DNAH7: variants seen among roughly 807,000 people sequenced by gnomAD.
The protein encoded by DNAH7 is axonemal beta dynein heavy chain 7.
DNAH7 carries 397 observed loss-of-function variants against 444.6 expected under a neutral mutation model. The observed-to-expected ratio is 0.89, with a 90% CI of 0.82 to 0.97. The LOEUF (loss-of-function observed/expected upper bound fraction) is 0.97. Ranked by LOEUF, DNAH7 falls within the 50% of genes least tolerant of loss-of-function variation. The probability of loss-of-function intolerance (pLI) is 0.00; values close to 1 mark genes in which losing one functional copy is unlikely to be tolerated. For synonymous variants in DNAH7, 1,636 were observed against 1,624.4 expected (o/e 1.01, Z -0.17); for missense variants, 4,902 against 4,800.8 (o/e 1.02, Z -0.62).
chr2:195,917,303 T>C (rs1687749597), intron 24 of DNAH7, among the ~76,000 whole-genome samples: 1 of 152,016 alleles, frequency 6.6e-6, no homozygotes, highest in Admixed American at 6.6e-5. Context: ...TATGATCTCC[T>C]AGGGACATTC....
chr2:196,017,149 G>A (rs944796111), intron 9 of DNAH7, among the ~76,000 whole-genome samples: 1 of 151,890 alleles, frequency 6.6e-6, no homozygotes, highest in Non-Finnish European at 1.5e-5. Flanking sequence ...CAAGTAGCTG[G>A]GATTACAGGC....
At chr2:195,849,219 T>C (rs1699200398) in intron 46 of DNAH7, among the ~76,000 whole-genome samples, 1 of 152,240 alleles carries the variant, frequency 6.6e-6, no homozygotes, top group Non-Finnish European at 1.5e-5. Context: ...TGTGTCCTTT[T>C]GACATGGCCC....
intron 46 of DNAH7, among the ~76,000 whole-genome samples, chr2:195,846,082 T>C (rs934113226): frequency 6.6e-6 from 1 of 152,104 alleles, no homozygotes; most frequent in Admixed American, 6.5e-5. Flanking sequence ...ACCTACACAA[T>C]GGGGAGAAAC....
intron 5 of DNAH7, among the ~76,000 whole-genome samples, chr2:196,046,927 A>C (rs907369385): frequency 6.6e-6 from 1 of 152,196 alleles, no homozygotes; most frequent in Non-Finnish European, 1.5e-5. Flanking sequence ...AACTGTCCTG[A>C]AACAGTGAGA....
intron 33 of DNAH7, 103 bp downstream of exon 33, chr2:195,888,150 GATTTA>G: frequency 2.2e-6 from 2 of 904,472 alleles, no homozygotes; most frequent in African/African-American, 1.8e-5. Flanking sequence ...AAAAGGTTTT[GATTTA>G]ATATCTCTTA....
intron 63 of DNAH7, among the ~76,000 whole-genome samples, chr2:195,752,863 T>C (rs1324356810): frequency 1.3e-5 from 2 of 152,096 alleles, no homozygotes; most frequent in African/African-American, 4.8e-5. Context: ...CATCAGTTGA[T>C]TAGAGGGGAT....
Position 195,764,351 on chromosome 2 carries a change from A to G in DNAH7, c.11433+7309T>C, listed in dbSNP as rs113518621. On this transcript the variant is annotated intron_variant, in intron 61 of 64. Transcript: ENST00000312428. Reference sequence around the variant, plus strand: ...GAAAATAACAAGGATGTCCACTTTCACAACTGTTATCAACAAAGTACTGGA... The same window carrying G: ...GAAAATAACAAGGATGTCCACTTTCGCAACTGTTATCAACAAAGTACTGGA... 2.4e-3 allele frequency among the ~76,000 whole-genome samples: 366 copies of G among 152,262 alleles called. 1 individual carries two copies. The highest frequency in any genetic ancestry group is 8.2e-3 in the African/African-American group (341 of 41,564).
chr2:195,879,918 T>C (rs1178323390), intron 36 of DNAH7, among the ~76,000 whole-genome samples: 1 of 152,178 alleles, frequency 6.6e-6, no homozygotes, highest in Non-Finnish European at 1.5e-5. Context: ...ATCAAGATAT[T>C]AAAACTCCCT....
At chr2:195,881,254 T>C (rs1271970760) in intron 36 of DNAH7, among the ~76,000 whole-genome samples, 1 of 152,326 alleles carries the variant, frequency 6.6e-6, no homozygotes, top group East Asian at 1.9e-4. Context: ...TGTGGGAGAA[T>C]GTGAATTAAC....
intron 31 of DNAH7, 40 bp downstream of exon 31, chr2:195,891,615 T>C: frequency 1.3e-6 from 2 of 1,485,194 alleles, no homozygotes; most frequent in South Asian, 3.1e-5. Flanking sequence ...ATAAATATCT[T>C]AACCTTTTAA....
At chr2:196,041,448 AC>A (rs770300177) in intron 5 of DNAH7, among the ~76,000 whole-genome samples, 4 of 152,106 alleles carry the variant, frequency 2.6e-5, no homozygotes, top group Non-Finnish European at 5.9e-5. Context: ...GGTGCCAAAA[AC>A]ATAAATTGGG....
intron 12 of DNAH7, among the ~76,000 whole-genome samples, chr2:195,997,941 A>G (rs868132584): frequency 5.9e-5 from 9 of 152,260 alleles, no homozygotes; most frequent in Middle Eastern, 3.4e-3. Flanking sequence ...TGATCCCTGG[A>G]ATTTGGATCG....
At chr2:195,947,120 AATTATAT>A (rs973390648) in intron 19 of DNAH7, among the ~76,000 whole-genome samples, 13 of 147,768 alleles carry the variant, frequency 8.8e-5, no homozygotes, top group African/African-American at 2.0e-4. Context: ...ATATAATTAT[AATTATAT>A]ATTATATATC....
intron 51 of DNAH7, among the ~76,000 whole-genome samples, chr2:195,812,426 T>C (rs1215422145): frequency 3.9e-5 from 6 of 152,198 alleles, no homozygotes; most frequent in Admixed American, 2.0e-4. Context: ...CAGCAACAGA[T>C]TGATTCCAGG....
At chr2:195,960,124 C>A in intron 18 of DNAH7, 136 bp downstream of exon 18, 1 of 738,690 alleles carries the variant, frequency 1.4e-6, no homozygotes. Flanking sequence ...GTATGAAATG[C>A]AAAATCAATT....
At chr2:196,046,478 T>C (rs1697134642) in intron 5 of DNAH7, among the ~76,000 whole-genome samples, 2 of 152,248 alleles carry the variant, frequency 1.3e-5, no homozygotes, top group East Asian at 1.9e-4. Context: ...CTACCCTCCA[T>C]TGATTTGGGT....
chr2:195,938,396 T>A lies in DNAH7; in HGVS notation c.3079-1604A>T, dbSNP rs182568547. Among the ~76,000 whole-genome samples, 4 of 137,664 alleles carry A rather than the reference T, an allele frequency of 2.9e-5. No homozygotes were observed. The East Asian group carries it at 1.1e-3, about 38-fold the overall frequency. The allele number at this position is 137,664 out of a possible 152,430, so 90.3% of individuals were successfully genotyped here. A position where few individuals can be genotyped will look rare whatever the true frequency, so the allele number is the denominator to read the frequency against. ...CACACACACACAAACACACACAGCATAACAGACTCAGGCCATCATGTTCGC... is the reference window on the plus strand; with the variant it reads ...CACACACACACAAACACACACAGCAAAACAGACTCAGGCCATCATGTTCGC... On this transcript the variant is annotated intron_variant, in intron 19 of 64. Coordinates refer to ENST00000312428, the MANE Select transcript of DNAH7 (RefSeq NM_018897.3).
chr2:195,932,978 A>C (rs938749500), intron 21 of DNAH7, among the ~76,000 whole-genome samples: 2 of 152,164 alleles, frequency 1.3e-5, no homozygotes, highest in African/African-American at 2.4e-5. Flanking sequence ...TGATTGGAAT[A>C]GTTTCAGAAG....
chr2:195,797,831 T>C (rs1433176889), intron 55 of DNAH7, among the ~76,000 whole-genome samples: 1 of 152,226 alleles, frequency 6.6e-6, no homozygotes, highest in Non-Finnish European at 1.5e-5. Context: ...ATGTCCTTAA[T>C]GTGGCCTCCA....
Sources: allele counts gnomAD v4.1 joint callset (sites outside exome capture counted in the v4.1 genomes callset), GRCh38; gene constraint gnomAD v4.1.1; transcripts MANE v1.5; gene names NCBI Gene and HGNC (gene_info 2026-07-23, HGNC 2026-07-21).